The following ADGRA3 variants were observed in gnomAD, a reference collection of about 807,000 sequenced individuals.
ADGRA3 encodes the protein G-protein coupled receptor 125.
ADGRA3 carries 56 observed loss-of-function variants against 119.8 expected under a neutral mutation model. The observed-to-expected ratio is 0.47, with a 90% CI of 0.38 to 0.58. The LOEUF (loss-of-function observed/expected upper bound fraction) is 0.58. Among genes scored for constraint, ADGRA3 ranks in the 20% least tolerant of loss-of-function variants. The pLI, the probability that ADGRA3 is intolerant of heterozygous loss-of-function variation, is 0.00. For synonymous variants in ADGRA3, 607 were observed against 623.8 expected (o/e 0.97, Z 0.40); for missense variants, 1,516 against 1,649.0 (o/e 0.92, Z 1.40).
At chr4:22,514,002 G>A (rs994093734) in intron 1 of ADGRA3, among the ~76,000 whole-genome samples, 4 of 151,708 alleles carry the variant, frequency 2.6e-5, no homozygotes, top group African/African-American at 9.7e-5. Context: ...TTTCTGCAAC[G>A]CAAAATCAAC....
intron 1 of ADGRA3, among the ~76,000 whole-genome samples, chr4:22,509,748 C>T (rs1226410580): frequency 6.6e-6 from 1 of 151,728 alleles, no homozygotes; most frequent in African/African-American, 2.4e-5. Context: ...CGGTGGCTCA[C>T]GCCTGTAATC....
At chr4:22,405,251 AT>A (rs1399303909) in intron 14 of ADGRA3, among the ~76,000 whole-genome samples, 1 of 152,142 alleles carries the variant, frequency 6.6e-6, no homozygotes, top group African/African-American at 2.4e-5. Flanking sequence ...GAAATCAGTT[AT>A]TTTTGGCCAG....
rs536519656 is a variant in ADGRA3 at position 22,435,852 on chromosome 4, G to A, written c.1288-386C>T. On this transcript the variant is annotated intron_variant, in intron 9 of 18. Coordinates refer to ENST00000334304, the MANE Select transcript of ADGRA3 (RefSeq NM_145290.4). ...TGGAGCTCCTACTGCACAAGAGTAC[G>A]AACTACTTATTTGGCACTTATCTTT... 3.9e-5 allele frequency among the ~76,000 whole-genome samples: 6 copies of A among 152,200 alleles called. No individual in the cohort carries two copies. The South Asian group carries it at 8.3e-4, about 21-fold the overall frequency.
chr4:22,496,636 A>C (rs1320900854), intron 1 of ADGRA3, among the ~76,000 whole-genome samples: 1 of 152,212 alleles, frequency 6.6e-6, no homozygotes, highest in Admixed American at 6.5e-5. Flanking sequence ...TTAAGTATAG[A>C]ATCTAAATAA....
chr4:22,473,952 A>G lies in ADGRA3; in HGVS notation c.258-109T>C, dbSNP rs1717949109. 8.4e-6 allele frequency: 5 copies of G among 595,940 alleles called. No homozygotes were observed. The South Asian group carries it at 1.5e-4, about 18-fold the overall frequency. 36.9% of individuals were successfully genotyped at this position (595,940 alleles called of 1,614,324 possible). On this transcript the variant is annotated intron_variant, in intron 1 of 18. Coordinates refer to ENST00000334304, the MANE Select transcript of ADGRA3 (RefSeq NM_145290.4). ...GAGAAATTCTAAGACATCATTTATT[A>G]GCCAGAATGTTTGAGATGGCTGAAA...
chr4:22,399,581 G>A (rs577265084), intron 16 of ADGRA3, among the ~76,000 whole-genome samples: 1 of 151,904 alleles, frequency 6.6e-6, no homozygotes, highest in East Asian at 1.9e-4. Context: ...TTACTGAATG[G>A]TGGTCTCTCT....
intron 14 of ADGRA3, among the ~76,000 whole-genome samples, chr4:22,412,443 C>T (rs759023151): frequency 6.6e-6 from 1 of 152,134 alleles, no homozygotes; most frequent in Non-Finnish European, 1.5e-5. Context: ...AATCCTAAAT[C>T]CAAAATGCTC....
At chr4:22,430,704 G>A (rs1283512188) in intron 10 of ADGRA3, among the ~76,000 whole-genome samples, 2 of 152,094 alleles carry the variant, frequency 1.3e-5, no homozygotes, top group African/African-American at 2.4e-5. Flanking sequence ...GCGGGCTGCA[G>A]AAATTTGCAT....
rs558028901 is a variant in ADGRA3 at position 22,423,032 on chromosome 4, C to T, written c.1605+1159G>A. On this transcript the variant is annotated intron_variant, in intron 11 of 18. Transcript: ENST00000334304. ...CCAACGTAATGTAACCCCGTCTCTA[C>T]TAAAAATACAAAAATTAGCCACACA... 3.3e-5 allele frequency among the ~76,000 whole-genome samples: 5 copies of T among 152,048 alleles called. No individual in the cohort carries two copies. In the East Asian group the frequency reaches 5.8e-4, roughly 18 times the overall value.
At chr4:22,414,256 G>T (rs1715341011) in intron 12 of ADGRA3, 2 of 225,166 alleles carry the variant, frequency 8.9e-6, no homozygotes, top group Admixed American at 5.3e-5. Flanking sequence ...GATTTATGAT[G>T]AATTCAAACC....
intron 6 of ADGRA3, 26 bp from the exon 7 acceptor site, chr4:22,442,889 G>C: frequency 6.6e-7 from 1 of 1,513,992 alleles, no homozygotes; most frequent in Non-Finnish European, 9.1e-7. Flanking sequence ...CAAAGATTCA[G>C]TAAACAAATA....
chr4:22,451,818 C>A (rs540375058), intron 4 of ADGRA3, among the ~76,000 whole-genome samples: 66 of 152,240 alleles, frequency 4.3e-4, no homozygotes, highest in African/African-American at 1.5e-3. Context: ...CCTTCTCTTT[C>A]AGGTGGGAAA....
chr4:22,418,626 C>T (rs1715524673), intron 12 of ADGRA3, among the ~76,000 whole-genome samples: 1 of 152,142 alleles, frequency 6.6e-6, no homozygotes, highest in Non-Finnish European at 1.5e-5. Context: ...AATGATAAAG[C>T]TACTGAACAG....
chr4:22,395,121 T>C (rs1714297228), intron 16 of ADGRA3, among the ~76,000 whole-genome samples: 1 of 152,208 alleles, frequency 6.6e-6, no homozygotes, highest in Non-Finnish European at 1.5e-5. Context: ...ATGTAAATAA[T>C]TACTATTATT....
intron 10 of ADGRA3, among the ~76,000 whole-genome samples, chr4:22,426,910 C>A (rs562017022): frequency 1.2e-4 from 18 of 152,234 alleles, no homozygotes; most frequent in Admixed American, 1.0e-3. Context: ...GAATGTCATT[C>A]TACTAGAAGC....
At chr4:22,411,300 G>A (rs977468679) in intron 14 of ADGRA3, among the ~76,000 whole-genome samples, 4 of 152,240 alleles carry the variant, frequency 2.6e-5, no homozygotes, top group East Asian at 1.9e-4. Flanking sequence ...ATACTTTAAC[G>A]CTTCATGCTT....
intron 1 of ADGRA3, among the ~76,000 whole-genome samples, chr4:22,511,960 G>C (rs543807501): frequency 2.1e-5 from 3 of 143,900 alleles, no homozygotes; most frequent in Non-Finnish European, 3.0e-5. Flanking sequence ...GCAGTGGCAC[G>C]ATCTTCACTC....
chr4:22,451,515 G>A (rs1322484772), intron 4 of ADGRA3, among the ~76,000 whole-genome samples: 6 of 152,000 alleles, frequency 3.9e-5, no homozygotes, highest in South Asian at 4.2e-4. Context: ...ATCAGCAAAG[G>A]CAGAGATCAA....
chr4:22,413,305 C>G lies in ADGRA3; in HGVS notation c.2109G>C (p.Arg703=). The G allele has an allele frequency of 6.2e-7, 1 of 1,614,144 alleles. No homozygotes were observed. Among genetic ancestry groups the G allele is most frequent in the East Asian group, 2.2e-5 (1 of 44,884 alleles). ...IAHGADAVAA[R]WDFDLLNGQG... ...GTCCGTTCAGCAAATCGAAATCCCACCGGGCTGCAACAGCATCTGCTCCAT... is the reference window on the plus strand; with the variant it reads ...GTCCGTTCAGCAAATCGAAATCCCAGCGGGCTGCAACAGCATCTGCTCCAT... Residue 703 remains arginine (R), a synonymous_variant, in exon 14 of 19, where the codon CGG becomes CGC. Transcript: ENST00000334304.
Sources: gnomAD v4.1 joint callset for allele counts (sites outside exome capture counted in the v4.1 genomes callset) on GRCh38, gnomAD v4.1.1 for gene constraint, MANE v1.5 for transcripts, NCBI Gene and HGNC (gene_info 2026-07-23, HGNC 2026-07-21) for gene names.